DOT1L: variants seen among roughly 807,000 people sequenced by gnomAD.
DOT1L encodes DOT1 like histone lysine methyltransferase.
A neutral mutation model predicts 153.3 loss-of-function variants in DOT1L; 33 were observed. The ratio of observed to expected loss-of-function variants is 0.22; its 90% CI spans 0.16 to 0.29. The LOEUF (loss-of-function observed/expected upper bound fraction) is 0.29, where lower values mean the gene tolerates loss of function less well. Ranked by LOEUF, DOT1L falls within the 10% of genes least tolerant of loss-of-function variation. The probability of loss-of-function intolerance (pLI) is 1.00; values close to 1 mark genes in which losing one functional copy is unlikely to be tolerated. For synonymous variants in DOT1L, 1,135 were observed against 965.1 expected, an observed-to-expected ratio of 1.18 and a Z score of -3.26; for missense variants, 1,847 against 2,119.9, an observed-to-expected ratio of 0.87 and a Z score of 2.53.
chr19:2,199,043 T>C (rs1405888998), intron 7 of DOT1L, among the ~76,000 whole-genome samples: 1 of 152,230 alleles, frequency 6.6e-6, no homozygotes, highest in African/African-American at 2.4e-5. Context: ...GGCTTTTGTG[T>C]GGACATGTTT....
At position 2,226,352 on chromosome 19, in the gene DOT1L, C is replaced by T. The variant is rs368624146; in HGVS notation, c.3831C>T (p.Pro1277=). The T allele has an allele frequency of 8.9e-5, 141 of 1,592,990 alleles. 2 individuals carry two copies. In the Middle Eastern group the frequency reaches 5.6e-3, roughly 64 times the overall value. ...LSQNSLFTFR[P]ALEEPSADAK... ...AGAACTCCCTGTTCACGTTCCGGCC[C>T]GCCCTGGAGGAGCCCTCTGCCGATG... is the stretch of plus-strand genomic sequence containing the variant. The change falls in exon 27 of 28, where the codon CCC becomes CCT. Residue 1277 remains proline (P), a synonymous_variant. Transcript: ENST00000398665.
chr19:2,186,775 T>C (rs1024308336), intron 3 of DOT1L, among the ~76,000 whole-genome samples: 2 of 152,252 alleles, frequency 1.3e-5, no homozygotes, highest in African/African-American at 2.4e-5. Context: ...GGCAGGGTCC[T>C]GCGTGCCGAC....
In DOT1L at chr19:2,216,169, A is replaced by G. The variant is rs1211138800; in HGVS notation, c.1924-112A>G. On this transcript the variant is annotated intron_variant, in intron 19 of 27. Coordinates refer to ENST00000398665, the MANE Select transcript of DOT1L (RefSeq NM_032482.3). ...TCGGCAGCTTTGGTTTTTCCATCCC[A>G]CACAAGCAGCGGGGGTCCTGGCCAC... is the stretch of plus-strand genomic sequence containing the variant. 9 of 1,447,546 alleles carry G rather than the reference A, an allele frequency of 6.2e-6. No individual in the cohort carries two copies. In the South Asian group the frequency reaches 8.5e-5, roughly 14 times the overall value. The allele number at this position is 1,447,546 out of a possible 1,614,324, so 89.7% of individuals were successfully genotyped here. A position where few individuals can be genotyped will look rare whatever the true frequency, so the allele number is the denominator to read the frequency against.
chr19:2,187,725 A>G (rs1174568259), intron 3 of DOT1L, among the ~76,000 whole-genome samples: 1 of 152,114 alleles, frequency 6.6e-6, no homozygotes, highest in Non-Finnish European at 1.5e-5. Flanking sequence ...GATCGAGACC[A>G]TCCTCGCTAG....
Position 2,214,583 on chromosome 19 carries a change from G to C in DOT1L, c.1910G>C (p.Cys637Ser). The C allele has an allele frequency of 6.2e-7, 1 of 1,612,826 alleles. No individual in the cohort carries two copies. The part of the protein sequence containing the change: ...KSQISEKQRH[C>S]LELQISIVEL... ...CAGATCTCGGAGAAGCAGAGGCACT[G>C]CCTGGAGCTGCAGGTGGGCTGCGCG... The change falls in exon 19 of 28, where the codon TGC becomes TCC. Residue 637 changes from cysteine (C) to serine (S), a missense_variant. This residue lies in a region of DOT1L where 156 missense variants were observed against 235.7 expected (regional missense o/e 0.66). Transcript: ENST00000398665.
In DOT1L at chr19:2,217,114, G is replaced by A. The variant is rs771651345; in HGVS notation, c.2544+24G>A. ...AGGTGCGGGCCGCGACCCCTGCCCC[G>A]GGCTCAGGGAGGTGCTCAGCAGAGG... On this transcript the variant is annotated intron_variant, in intron 21 of 27. Transcript: ENST00000398665. This position sits in a 1 kb window ranked among gnomAD's most constrained non-coding sequence, Gnocchi z 7.3. 5.1e-6 allele frequency: 8 copies of A among 1,565,718 alleles called. No homozygotes were observed. Among genetic ancestry groups the A allele is most frequent in the South Asian group, 1.1e-5 (1 of 87,856 alleles).
intron 27 of DOT1L, chr19:2,227,927 T>G: frequency 1.1e-6 from 1 of 924,642 alleles, no homozygotes; most frequent in Non-Finnish European, 1.3e-6. Flanking sequence ...CGCCTCCGCC[T>G]CCCCCGCTGC....
intron 7 of DOT1L, among the ~76,000 whole-genome samples, chr19:2,199,578 G>A (rs965942986): frequency 6.6e-6 from 1 of 152,220 alleles, no homozygotes; most frequent in Non-Finnish European, 1.5e-5. Context: ...AGACTGCAGC[G>A]TGGCTTGCAG....
intron 9 of DOT1L, among the ~76,000 whole-genome samples, chr19:2,203,087 A>T (rs1308850395): frequency 2.0e-5 from 3 of 151,364 alleles, no homozygotes. Flanking sequence ...ATGCTCAGCT[A>T]ATTTTTGTTT....
chr19:2,224,911 C>T (rs764392114), intron 25 of DOT1L, among the ~76,000 whole-genome samples: 1 of 152,194 alleles, frequency 6.6e-6, no homozygotes, highest in African/African-American at 2.4e-5. Context: ...ATTTGTGTGT[C>T]CCTGGTGTGT....
At chr19:2,174,601 G>A (rs1182011812) in intron 1 of DOT1L, among the ~76,000 whole-genome samples, 3 of 152,134 alleles carry the variant, frequency 2.0e-5, no homozygotes, top group Non-Finnish European at 2.9e-5. Context: ...CAGGAGAATC[G>A]CAAAAGCTAA....
chr19:2,203,687 C>G (rs1457686661), intron 9 of DOT1L, among the ~76,000 whole-genome samples: 3 of 152,226 alleles, frequency 2.0e-5, no homozygotes, highest in Non-Finnish European at 4.4e-5. Context: ...GTACCCAGAC[C>G]ACACTCTGTG....
rs369662473 is a variant in DOT1L at position 2,220,255 on chromosome 19, TCTGCTG to T, written c.2806+45_2806+50del. 3 of 1,576,690 alleles carry T rather than the reference TCTGCTG, an allele frequency of 1.9e-6. No homozygotes were observed. Among genetic ancestry groups the T allele is most frequent in the South Asian group, 1.1e-5 (1 of 88,624 alleles). ...CCCTCCTGTGCCCTACCCTCAGGAC[TCTGCTG>T]CTGCTGCTGCTCTTCAGGCAGGAGG... On this transcript the variant is annotated intron_variant, in intron 23 of 27. Transcript: ENST00000398665. The surrounding 1 kb of genome is among the most constrained non-coding windows in gnomAD (Gnocchi z 4.5).
chr19:2,173,863 A>G (rs894491869), intron 1 of DOT1L, among the ~76,000 whole-genome samples: 3 of 152,218 alleles, frequency 2.0e-5, no homozygotes, highest in Non-Finnish European at 4.4e-5. Flanking sequence ...GCTTCACAGC[A>G]GCCTGTGTGG....
Position 2,222,170 on chromosome 19 carries a change from T to C in DOT1L, c.3001T>C (p.Ser1001Pro). 1 of 1,613,000 alleles carries C rather than the reference T, an allele frequency of 6.2e-7. No individual in the cohort carries two copies. The highest frequency in any genetic ancestry group is 8.5e-7 in the Non-Finnish European group (1 of 1,179,832). The change falls in exon 24 of 28, where the codon TCT (serine) becomes CCT (proline). Residue 1001 changes from serine (S) to proline (P), a missense_variant. Around this residue, in one of 8 missense-constraint regions of DOT1L, gnomAD observed 934 missense variants for 825.3 expected, o/e 1.13. Coordinates refer to ENST00000398665, the MANE Select transcript of DOT1L (RefSeq NM_032482.3). This position sits in a 1 kb window ranked among gnomAD's most constrained non-coding sequence, Gnocchi z 6.5. ...LAQPRNSLPA[S>P]PAHQLSSSPR... The stretch of plus-strand genomic sequence containing the variant: ...ACAGCCCCGGAACTCGCTTCCTGCC[T>C]CTCCCGCCCACCAGCTCTCCTCCAG...
intron 1 of DOT1L, among the ~76,000 whole-genome samples, chr19:2,169,101 T>G (rs2020032985): frequency 6.6e-6 from 1 of 152,096 alleles, no homozygotes; most frequent in African/African-American, 2.4e-5. Context: ...ACTCTCTGAC[T>G]CTCATTAATG....
At chr19:2,180,900 G>A in intron 2 of DOT1L, 144 bp downstream of exon 2, 1 of 946,026 alleles carries the variant, frequency 1.1e-6, no homozygotes, top group East Asian at 2.6e-5. Context: ...GGGTGACTCA[G>A]GGACGGGTAG....
In DOT1L at chr19:2,220,105, C is replaced by A; in HGVS notation, c.2692-3C>A. On this transcript the variant is annotated splice_region_variant and splice_polypyrimidine_tract_variant and intron_variant, in intron 22 of 27. Transcript: ENST00000398665. The surrounding 1 kb of genome is among the most constrained non-coding windows in gnomAD (Gnocchi z 4.5). Reference sequence around the variant, plus strand: ...CCTGACACACAGGGTTTTCTCTCTGCAGAGGAGCACCCCCAGTCCCGTGCT... The same window carrying A: ...CCTGACACACAGGGTTTTCTCTCTGAAGAGGAGCACCCCCAGTCCCGTGCT... 6.2e-7 allele frequency: 1 copy of A among 1,603,194 alleles called. No homozygotes were observed. Among genetic ancestry groups the A allele is most frequent in the Non-Finnish European group, 8.5e-7 (1 of 1,172,228 alleles).
In DOT1L at chr19:2,164,238, C is replaced by T. The variant is rs2019821055; in HGVS notation, c.54C>T (p.Ala18=). ...AGTCGCCCGTGGGGGCTGAGCCCGC[C>T]GTCTACCCGTGGCCGCTGCCGGTCT... is the stretch of plus-strand genomic sequence containing the variant. The part of the protein sequence containing the change: ...RLKSPVGAEP[A]VYPWPLPVYD... The change falls in exon 1 of 28, where the codon GCC becomes GCT. Residue 18 remains alanine, a synonymous_variant. Transcript: ENST00000398665. 1.6e-6 allele frequency: 2 copies of T among 1,290,286 alleles called. No individual in the cohort carries two copies. Among genetic ancestry groups the T allele is most frequent in the East Asian group, 2.9e-5 (1 of 33,916 alleles). The allele number at this position is 1,290,286 out of a possible 1,614,324, so 79.9% of individuals were successfully genotyped here.
Sources: allele counts gnomAD v4.1 joint callset (sites outside exome capture counted in the v4.1 genomes callset), GRCh38; gene constraint gnomAD v4.1.1; regional missense constraint gnomAD v4.1.1; non-coding constraint Gnocchi (gnomAD v3.1); transcripts MANE v1.5; gene names NCBI Gene and HGNC (gene_info 2026-07-23, HGNC 2026-07-21).